The following FAM220A variants were observed in gnomAD, a reference collection of about 807,000 sequenced individuals.
FAM220A encodes protein FAM220A.
For missense variants in FAM220A, 392 were observed against 321.6 expected (o/e 1.22, Z -1.68); for synonymous variants, 141 against 130.7 (o/e 1.08, Z -0.54).
chr7:6,334,837 C>G (rs141379005), intron 1 of FAM220A, among the ~76,000 whole-genome samples: 2 of 151,424 alleles, frequency 1.3e-5, no homozygotes, highest in East Asian at 3.9e-4. Flanking sequence ...GGCACGATCT[C>G]GACTCACTGC....
intron 1 of FAM220A, among the ~76,000 whole-genome samples, chr7:6,335,510 G>A (rs941626978): frequency 1.1e-4 from 16 of 149,916 alleles, no homozygotes; most frequent in African/African-American, 4.0e-4. Flanking sequence ...CTACAGGTGT[G>A]AGCCTCCGTG....
intron 1 of FAM220A, among the ~76,000 whole-genome samples, chr7:6,347,250 G>A (rs1781971124): frequency 6.6e-6 from 1 of 152,182 alleles, no homozygotes; most frequent in African/African-American, 2.4e-5. Flanking sequence ...CGCTGTGGCT[G>A]ACGCCTATAA....
At chr7:6,341,212 AGGAG>A (rs1301175499) in intron 1 of FAM220A, among the ~76,000 whole-genome samples, 2 of 151,444 alleles carry the variant, frequency 1.3e-5, no homozygotes, top group Admixed American at 1.3e-4. Context: ...TGGGAGGCCA[AGGAG>A]GGTAGATCAG....
At chr7:6,331,731 A>T (rs977492864) in intron 1 of FAM220A, among the ~76,000 whole-genome samples, 3 of 141,156 alleles carry the variant, frequency 2.1e-5, no homozygotes, top group African/African-American at 8.4e-5. Context: ...TTAGCAAATA[A>T]TAGAGGCTTT....
intron 1 of FAM220A, among the ~76,000 whole-genome samples, chr7:6,344,804 G>A (rs946335057): frequency 1.3e-5 from 2 of 152,058 alleles, no homozygotes; most frequent in African/African-American, 2.4e-5. Flanking sequence ...GCAATGGCAC[G>A]AACTTGGCTC....
At chr7:6,340,974 A>T (rs1406635247) in intron 1 of FAM220A, among the ~76,000 whole-genome samples, 1 of 146,232 alleles carries the variant, frequency 6.8e-6, no homozygotes, top group Non-Finnish European at 1.5e-5. Context: ...CTAAAAAAAA[A>T]AAAAAAAAAA....
At position 6,348,618 on chromosome 7, in the gene FAM220A, G is replaced by T; in HGVS notation, c.-127C>A. The T allele has an allele frequency of 2.0e-6, 1 of 493,970 alleles. No individual in the cohort carries two copies. Among genetic ancestry groups the T allele is most frequent in the South Asian group, 3.3e-5 (1 of 30,652 alleles). The allele number at this position is 493,970 out of a possible 1,614,324, so 30.6% of individuals were successfully genotyped here. A position where few individuals can be genotyped will look rare whatever the true frequency, so the allele number is the denominator to read the frequency against. On this transcript the variant is annotated 5_prime_UTR_variant, in exon 1 of 2. Coordinates refer to ENST00000313324, the MANE Select transcript of FAM220A (RefSeq NM_001037163.2). ...TCATGGAAGCCACGATGTAGAGGTAGGGGAAGTTGATACGCAGCCGCCAGG... is the reference window on the plus strand; with the variant it reads ...TCATGGAAGCCACGATGTAGAGGTATGGGAAGTTGATACGCAGCCGCCAGG...
intron 1 of FAM220A, among the ~76,000 whole-genome samples, chr7:6,341,455 TAA>T (rs1491315034): frequency 0.033 from 4,633 of 140,142 alleles, 287 homozygotes; most frequent in African/African-American, 0.12. Context: ...AAAATAATAA[TAA>T]TAATTATTAT....
chr7:6,343,958 T>C (rs367793982), intron 1 of FAM220A, among the ~76,000 whole-genome samples: 76 of 152,212 alleles, frequency 5.0e-4, no homozygotes, highest in African/African-American at 1.6e-3. Context: ...GGATCATAGC[T>C]TACTGTAGCC....
chr7:6,338,298 C>G (rs917966021), intron 1 of FAM220A, among the ~76,000 whole-genome samples: 1 of 151,990 alleles, frequency 6.6e-6, no homozygotes, highest in African/African-American at 2.4e-5. Context: ...ATATATTGTA[C>G]CAGATAAAAT....
intron 1 of FAM220A, among the ~76,000 whole-genome samples, chr7:6,340,395 G>C (rs542363524): frequency 3.3e-4 from 51 of 152,276 alleles, no homozygotes; most frequent in African/African-American, 1.1e-3. Flanking sequence ...AGCGACCACT[G>C]CATGTGTGTA....
rs2241445 is a variant in FAM220A, at chr7:6,330,446, C to T, written c.709G>A (p.Gly237Ser). ...FKKMLKSTSDGLQITLGLLAL... is the reference protein window; with the variant it reads ...FKKMLKSTSDSLQITLGLLAL... ...AGTAACCCCAGTGTTATCTGCAGAC[C>T]ATCTGAGGTGCTTTTAAGCATTTTC... The change falls in exon 2 of 2, where the codon GGT (glycine) becomes AGT (serine). Residue 237 changes from glycine to serine, a missense_variant. Transcript: ENST00000313324. 64,445 of 1,613,928 alleles carry T rather than the reference C, an allele frequency of 0.04. 2,271 individuals carry two copies. Among genetic ancestry groups the T allele is most frequent in the East Asian group, 0.19 (8,347 of 44,878 alleles).
chr7:6,338,051 G>A (rs1397060966), intron 1 of FAM220A, among the ~76,000 whole-genome samples: 2 of 152,014 alleles, frequency 1.3e-5, no homozygotes, highest in African/African-American at 4.8e-5. Context: ...TGATCCACCT[G>A]CCTCAGCCTC....
In FAM220A at chr7:6,332,956, C is replaced by T. The variant is rs554308782; in HGVS notation, c.-81-1721G>A. Among the ~76,000 whole-genome samples, 25 of 152,016 alleles carry T rather than the reference C, an allele frequency of 1.6e-4. No individual in the cohort carries two copies. The East Asian group carries it at 2.7e-3, about 16-fold the overall frequency. On this transcript the variant is annotated intron_variant, in intron 1 of 1. Coordinates refer to ENST00000313324, the MANE Select transcript of FAM220A (RefSeq NM_001037163.2). The stretch of plus-strand genomic sequence containing the variant: ...CGGACAAATCATGAGGTCAGGAGTT[C>T]GAGACAAGCATGGTCAACATGGTGA...
At chr7:6,331,256 A>G in intron 1 of FAM220A, 21 bp from the exon 2 acceptor site, 1 of 1,220,404 alleles carries the variant, frequency 8.2e-7, no homozygotes, top group Non-Finnish European at 1.1e-6. Flanking sequence ...GAATCAAATT[A>G]AAGTTCTAAA....
chr7:6,336,154 C>G (rs990133909), intron 1 of FAM220A, among the ~76,000 whole-genome samples: 25 of 138,940 alleles, frequency 1.8e-4, no homozygotes, highest in Non-Finnish European at 1.7e-4. Context: ...GCCTGGGCAA[C>G]AGAGTGAGAT....
chr7:6,341,620 G>T (rs1423389677), intron 1 of FAM220A, among the ~76,000 whole-genome samples: 1 of 151,034 alleles, frequency 6.6e-6, no homozygotes, highest in Admixed American at 6.6e-5. Context: ...AACCCAGGAG[G>T]TGGAGCTTGC....
intron 1 of FAM220A, among the ~76,000 whole-genome samples, chr7:6,344,986 C>T (rs946396141): frequency 3.4e-4 from 52 of 152,182 alleles, no homozygotes; most frequent in African/African-American, 1.2e-3. Flanking sequence ...GGTGATCTGC[C>T]TGCCTCAGCC....
intron 1 of FAM220A, chr7:6,338,544 A>T (rs951812435): frequency 1.3e-5 from 2 of 152,234 alleles, no homozygotes; most frequent in African/African-American, 4.8e-5. Flanking sequence ...CTCCCACCAA[A>T]GATGACAAAA....
Sources: gnomAD v4.1 joint callset for allele counts (sites outside exome capture counted in the v4.1 genomes callset) on GRCh38, gnomAD v4.1.1 for gene constraint, MANE v1.5 for transcripts, NCBI Gene and HGNC (gene_info 2026-07-23, HGNC 2026-07-21) for gene names.